TBC1D2: variants seen among roughly 807,000 people sequenced by gnomAD.
The protein encoded by TBC1D2 is TBC1 domain family member 2A.
Under a neutral mutation model 91.1 loss-of-function variants are expected in TBC1D2, and 58 were observed. That is an observed-to-expected ratio of 0.64 (90% confidence interval 0.52 to 0.79). The LOEUF is 0.79. Among genes scored for constraint, TBC1D2 ranks in the 30% least tolerant of loss-of-function variants. The pLI, the probability that TBC1D2 is intolerant of heterozygous loss-of-function variation, is 0.00. For missense variants in TBC1D2, 1,080 were observed against 1,208.3 expected (o/e 0.89, Z 1.57); for synonymous variants, 482 against 511.5 (o/e 0.94, Z 0.78).
intron 6 of TBC1D2, 87 bp downstream of exon 6, chr9:98,220,746 A>T (rs920205325): frequency 5.9e-6 from 9 of 1,526,360 alleles, no homozygotes; most frequent in Admixed American, 4.1e-5. Flanking sequence ...TCCACCTAGC[A>T]AACCCTTAGG....
At chr9:98,231,279 C>CTT (rs35195996) in intron 4 of TBC1D2, among the ~76,000 whole-genome samples, 6,780 of 76,560 alleles carry the variant, frequency 0.089, 367 homozygotes, top group Non-Finnish European at 0.11. Flanking sequence ...CTCAACTCTG[C>CTT]TTTTTTTTTT....
intron 6 of TBC1D2, chr9:98,213,497 C>T: frequency 9.8e-7 from 1 of 1,016,234 alleles, no homozygotes; most frequent in South Asian, 2.0e-5. Flanking sequence ...CACTCTGACC[C>T]TCTGTTTCCT....
At chr9:98,237,167 T>C (rs1338683367) in intron 3 of TBC1D2, among the ~76,000 whole-genome samples, 3 of 151,796 alleles carry the variant, frequency 2.0e-5, no homozygotes, top group East Asian at 2.0e-4. Flanking sequence ...TGAAACTCCG[T>C]CTTTACTAAA....
intron 9 of TBC1D2, among the ~76,000 whole-genome samples, chr9:98,204,415 T>C (rs1466934306): frequency 1.3e-5 from 2 of 152,312 alleles, no homozygotes; most frequent in Admixed American, 6.5e-5. Flanking sequence ...GCCCCTGTTG[T>C]CCATTGCACC....
rs530976404 is a variant in TBC1D2 at position 98,228,870 on chromosome 9, C to T, written c.978+82G>A. On this transcript the variant is annotated intron_variant, in intron 5 of 12. Transcript: ENST00000465784. The surrounding 1 kb of genome is among the most constrained non-coding windows in gnomAD (Gnocchi z 4.0). ...TAGCTGGTGCCCAGCACGGCTAATGCGTCCCATCTAGCTTATCCGAAAGGC... is the reference window on the plus strand; with the variant it reads ...TAGCTGGTGCCCAGCACGGCTAATGTGTCCCATCTAGCTTATCCGAAAGGC... 150 of 1,354,072 alleles carry T rather than the reference C, an allele frequency of 1.1e-4. 1 individual carries two copies. Among genetic ancestry groups the T allele is most frequent in the Admixed American group, 8.1e-4 (38 of 46,902 alleles). 83.9% of individuals were successfully genotyped at this position (1,354,072 alleles called of 1,614,324 possible). A position where few individuals can be genotyped will look rare whatever the true frequency, so the allele number is the denominator to read the frequency against.
chr9:98,239,400 T>C (rs1487759283), intron 3 of TBC1D2, among the ~76,000 whole-genome samples: 2 of 152,250 alleles, frequency 1.3e-5, no homozygotes, highest in African/African-American at 4.8e-5. Context: ...TGTTGAATAT[T>C]GTCAAATGCT....
In TBC1D2 at chr9:98,229,060, G is replaced by A. The variant is rs1175766998; in HGVS notation, c.870C>T (p.Thr290=). ...FAQKAKRQNN[T]FPFFSEGITR... is the part of the protein sequence containing the mutation. ...TGATTCCTTCAGAAAAGAATGGGAA[G>A]GTGTTGTTCTGGCGCTTGGCTTTCT... Residue 290 remains threonine, a synonymous_variant, in exon 5 of 13, where the codon ACC becomes ACT. Coordinates refer to ENST00000465784, the MANE Select transcript of TBC1D2 (RefSeq NM_001267571.2). The A allele has an allele frequency of 1.2e-6, 2 of 1,614,222 alleles. No homozygotes were observed. The highest frequency in any genetic ancestry group is 1.7e-5 in the Admixed American group (1 of 60,030).
intron 2 of TBC1D2, among the ~76,000 whole-genome samples, chr9:98,251,466 T>C (rs1393314259): frequency 6.6e-6 from 1 of 152,182 alleles, no homozygotes; most frequent in Non-Finnish European, 1.5e-5. Context: ...GCAGGCATTG[T>C]TCTAACCATT....
At chr9:98,210,380 T>C (rs905442948) in intron 8 of TBC1D2, among the ~76,000 whole-genome samples, 4 of 152,106 alleles carry the variant, frequency 2.6e-5, no homozygotes, top group Non-Finnish European at 5.9e-5. Flanking sequence ...CAGGCACATC[T>C]GGGAGGCAGC....
chr9:98,226,800 C>T (rs1056083248), intron 5 of TBC1D2, among the ~76,000 whole-genome samples: 1 of 152,236 alleles, frequency 6.6e-6, no homozygotes, highest in African/African-American at 2.4e-5. Flanking sequence ...CAACTTCCTC[C>T]TGACAATTTC....
rs1828422891 is a variant in TBC1D2, at chr9:98,199,455, C to G, written c.2713G>C (p.Glu905Gln). 6.2e-7 allele frequency: 1 copy of G among 1,614,048 alleles called. No homozygotes were observed. The highest frequency in any genetic ancestry group is 1.7e-5 in the Admixed American group (1 of 60,006). ...ELEQLKAEYL[E>Q]RRASRRRAVS... The stretch of plus-strand genomic sequence containing the variant: ...GCTCTGCGCCGGGATGCCCGCCTCT[C>G]CAGGTACTCTGCCTTAAGCTGCTCC... The change falls in exon 13 of 13, where the codon GAG (glutamate) becomes CAG (glutamine). Residue 905 changes from glutamate (E) to glutamine (Q), a missense_variant. Glu to Gln is a conservative substitution (Grantham distance 29). Coordinates refer to ENST00000465784, the MANE Select transcript of TBC1D2 (RefSeq NM_001267571.2).
At chr9:98,252,923 T>G (rs921883304) in intron 1 of TBC1D2, among the ~76,000 whole-genome samples, 1 of 152,084 alleles carries the variant, frequency 6.6e-6, no homozygotes, top group Non-Finnish European at 1.5e-5. Flanking sequence ...GGGGAGTCTG[T>G]GAAAGTGACC....
At chr9:98,226,194 C>T (rs577337971) in intron 5 of TBC1D2, among the ~76,000 whole-genome samples, 4 of 152,328 alleles carry the variant, frequency 2.6e-5, no homozygotes, top group South Asian at 2.1e-4. Flanking sequence ...CCTAGAGTTA[C>T]GGGGCTGCCA....
intron 5 of TBC1D2, among the ~76,000 whole-genome samples, chr9:98,222,677 A>C (rs1829128967): frequency 2.0e-5 from 3 of 152,230 alleles, no homozygotes; most frequent in Non-Finnish European, 4.4e-5. Context: ...ACGTGGAACT[A>C]ATACCAGGTA....
chr9:98,233,631 G>A (rs1829428573), intron 3 of TBC1D2, 82 bp from the exon 4 acceptor site: 2 of 1,561,728 alleles, frequency 1.3e-6, no homozygotes, highest in Admixed American at 1.8e-5. Context: ...CACTGCTGGA[G>A]CTCAGGTCTC....
chr9:98,226,085 G>A (rs1829226641), intron 5 of TBC1D2, among the ~76,000 whole-genome samples: 1 of 152,212 alleles, frequency 6.6e-6, no homozygotes, highest in South Asian at 2.1e-4. Flanking sequence ...TCTCCTAGCG[G>A]CATTCTGAGT....
intron 3 of TBC1D2, among the ~76,000 whole-genome samples, chr9:98,234,276 A>T (rs1385979411): frequency 2.0e-5 from 3 of 152,310 alleles, no homozygotes; most frequent in African/African-American, 7.2e-5. Flanking sequence ...TACATGCCAG[A>T]GACCGGGCTC....
chr9:98,200,897 T>C (rs1828478005), intron 11 of TBC1D2, among the ~76,000 whole-genome samples: 1 of 151,634 alleles, frequency 6.6e-6, no homozygotes, highest in Non-Finnish European at 1.5e-5. Context: ...ATGCCTGTAA[T>C]CCCAGCTACT....
At chr9:98,208,607 G>C in intron 9 of TBC1D2, 61 bp downstream of exon 9, 1 of 1,483,146 alleles carries the variant, frequency 6.7e-7, no homozygotes, top group East Asian at 2.3e-5. Flanking sequence ...ACAGTCTGAG[G>C]GTTGGGGACC....
Sources: gnomAD v4.1 joint callset for allele counts (sites outside exome capture counted in the v4.1 genomes callset) on GRCh38, gnomAD v4.1.1 for gene constraint, Gnocchi (gnomAD v3.1) non-coding constraint, MANE v1.5 for transcripts, NCBI Gene and HGNC (gene_info 2026-07-23, HGNC 2026-07-21) for gene names.